Variants in ADORA2B observed in about 807,000 individuals in gnomAD.
The protein encoded by ADORA2B is adenosine A2b receptor.
ADORA2B carries 18 observed loss-of-function variants against 20.8 expected under a neutral mutation model. The observed-to-expected ratio is 0.87, with a 90% CI of 0.60 to 1.29. The LOEUF is 1.29. Among genes scored for constraint, ADORA2B ranks in the 50% most tolerant of loss-of-function variants. The pLI, the probability that ADORA2B is intolerant of heterozygous loss-of-function variation, is 0.00. For synonymous variants in ADORA2B, 179 were observed against 178.3 expected (o/e 1.00, Z -0.03); for missense variants, 441 against 422.7 (o/e 1.04, Z -0.38).
Position 15,947,175 on chromosome 17 carries a change from G to A in ADORA2B, c.335+1592G>A, listed in dbSNP as rs892141822. ...TTTCCAAGGCTTAGGGAGGACAGCA[G>A]TTTCTTCTCTCTCTTCTGGATCCCT... On this transcript the variant is annotated intron_variant, in intron 1 of 1. Coordinates refer to ENST00000304222, the MANE Select transcript of ADORA2B (RefSeq NM_000676.4). Among the ~76,000 whole-genome samples the A allele has an allele frequency of 3.9e-5, 6 of 152,224 alleles. No homozygotes were observed. In the East Asian group the frequency reaches 7.7e-4, roughly 20 times the overall value.
the ADORA2B span, among the ~76,000 whole-genome samples, chr17:15,929,080 T>G: frequency 1.3e-5 from 2 of 152,180 alleles, no homozygotes; most frequent in South Asian, 4.2e-4. Flanking sequence ...AAACAGCATC[T>G]TCAGGGGAGA....
At chr17:15,966,603 T>A (rs559054407) in intron 1 of ADORA2B, among the ~76,000 whole-genome samples, 1 of 152,194 alleles carries the variant, frequency 6.6e-6, no homozygotes, top group East Asian at 1.9e-4. Flanking sequence ...GCTGTTTCCT[T>A]TTGTTGATTC....
chr17:15,933,068 G>T, the ADORA2B span, among the ~76,000 whole-genome samples: 2 of 149,146 alleles, frequency 1.3e-5, no homozygotes, highest in Non-Finnish European at 3.0e-5. Flanking sequence ...CCATTCTCCT[G>T]CCTCAGCATC....
intron 1 of ADORA2B, 39 bp from the exon 2 acceptor site, chr17:15,974,640 C>A: frequency 6.3e-7 from 1 of 1,576,618 alleles, no homozygotes. Flanking sequence ...TTGCAGAGCG[C>A]TATAAACTGA....
At position 15,964,299 on chromosome 17, in the gene ADORA2B, G is replaced by T. The variant is rs1970073514; in HGVS notation, c.336-10380G>T. Among the ~76,000 whole-genome samples the T allele has an allele frequency of 3.9e-5, 6 of 152,128 alleles. No homozygotes were observed. In the South Asian group the frequency reaches 1.2e-3, roughly 32 times the overall value. Reference sequence around the variant, plus strand: ...CATCTAGGCCTAAAGTTTTCTTTGTGGGAAGGTTTAAAATGATGAATTTTA... The same window carrying T: ...CATCTAGGCCTAAAGTTTTCTTTGTTGGAAGGTTTAAAATGATGAATTTTA... On this transcript the variant is annotated intron_variant, in intron 1 of 1. Transcript: ENST00000304222.
At chr17:15,872,252 A>G in the ADORA2B span, among the ~76,000 whole-genome samples, 6 of 152,138 alleles carry the variant, frequency 3.9e-5, no homozygotes, top group Admixed American at 2.0e-4. Flanking sequence ...TACACTTTAA[A>G]CTGGTTTAAA....
intron 1 of ADORA2B, among the ~76,000 whole-genome samples, chr17:15,958,153 G>A (rs763135159): frequency 7.2e-5 from 11 of 152,056 alleles, no homozygotes; most frequent in Admixed American, 1.3e-4. Flanking sequence ...CGAGTAGCTG[G>A]GATTACAGGC....
the ADORA2B span, among the ~76,000 whole-genome samples, chr17:15,911,419 C>T: frequency 1.3e-5 from 2 of 152,120 alleles, no homozygotes; most frequent in Admixed American, 1.3e-4. Flanking sequence ...TTGGGATACC[C>T]GGAGTCAGTG....
At chr17:15,922,223 C>T in the ADORA2B span, among the ~76,000 whole-genome samples, 2 of 152,162 alleles carry the variant, frequency 1.3e-5, no homozygotes, top group African/African-American at 2.4e-5. Flanking sequence ...GTGTACCCTT[C>T]CAGAGTTTCT....
At chr17:15,963,490 G>A (rs2151603829) in intron 1 of ADORA2B, among the ~76,000 whole-genome samples, 2 of 152,318 alleles carry the variant, frequency 1.3e-5, no homozygotes, top group South Asian at 4.1e-4. Flanking sequence ...CCAGCCTTGG[G>A]AGGGCACTTT....
At chr17:15,956,933 G>C (rs1969973645) in intron 1 of ADORA2B, among the ~76,000 whole-genome samples, 1 of 152,180 alleles carries the variant, frequency 6.6e-6, no homozygotes, top group South Asian at 2.1e-4. Context: ...ATGTGATTTT[G>C]TGAGGAGTGA....
chr17:15,939,749 T>G, the ADORA2B span, among the ~76,000 whole-genome samples: 8 of 149,712 alleles, frequency 5.3e-5, no homozygotes, highest in East Asian at 1.6e-3. Flanking sequence ...TAGTCCCAGC[T>G]ACTTGGGAGG....
At chr17:15,872,092 G>A in the ADORA2B span, among the ~76,000 whole-genome samples, 1,897 of 152,260 alleles carry the variant, frequency 0.012, 47 homozygotes, top group African/African-American at 0.043. Context: ...GAAACAGAAA[G>A]CAGATGAGTG....
the ADORA2B span, among the ~76,000 whole-genome samples, chr17:15,897,051 A>G: frequency 2.0e-5 from 3 of 152,340 alleles, no homozygotes; most frequent in South Asian, 6.2e-4. Context: ...AAATCAGACG[A>G]TGGCCGTGCC....
intron 1 of ADORA2B, among the ~76,000 whole-genome samples, chr17:15,964,464 C>G (rs995763279): frequency 6.6e-6 from 1 of 151,186 alleles, no homozygotes; most frequent in Non-Finnish European, 1.5e-5. Context: ...AAAAAATTAA[C>G]CAGGTGTGGT....
the ADORA2B span, among the ~76,000 whole-genome samples, chr17:15,903,239 A>G: frequency 6.6e-6 from 1 of 152,228 alleles, no homozygotes; most frequent in Non-Finnish European, 1.5e-5. Flanking sequence ...CAAGCCCTCA[A>G]CCTTGGACCA....
At chr17:15,909,832 G>A in the ADORA2B span, among the ~76,000 whole-genome samples, 5 of 152,230 alleles carry the variant, frequency 3.3e-5, no homozygotes, top group African/African-American at 9.6e-5. Context: ...GGGATGGGCA[G>A]TGAAGTCCTG....
At chr17:15,879,990 G>A in the ADORA2B span, among the ~76,000 whole-genome samples, 3 of 149,510 alleles carry the variant, frequency 2.0e-5, no homozygotes, top group East Asian at 5.8e-4. Flanking sequence ...AGTGAAGACT[G>A]AAGTTTTCCC....
chr17:15,871,711 C>T, the ADORA2B span, among the ~76,000 whole-genome samples: 1 of 152,124 alleles, frequency 6.6e-6, no homozygotes, highest in Non-Finnish European at 1.5e-5. Flanking sequence ...ATGAGCTTCC[C>T]TCATTAATTA....
Sources: allele counts gnomAD v4.1 joint callset (sites outside exome capture counted in the v4.1 genomes callset), GRCh38; gene constraint gnomAD v4.1.1; transcripts MANE v1.5; gene names NCBI Gene and HGNC (gene_info 2026-07-23, HGNC 2026-07-21).